The following PTPRM variants were observed in gnomAD, a reference collection of about 807,000 sequenced individuals.
PTPRM encodes the protein protein tyrosine phosphatase receptor type M.
In PTPRM, 47 loss-of-function variants were observed where a neutral mutation model predicts 186.7. The ratio of observed to expected loss-of-function variants is 0.25; its 90% CI spans 0.20 to 0.32. The LOEUF (loss-of-function observed/expected upper bound fraction) is 0.32. Ranked by LOEUF, PTPRM falls within the 10% of genes least tolerant of loss-of-function variation. PTPRM has a pLI of 1.00. For missense variants in PTPRM, 1,494 were observed against 1,865.0 expected (o/e 0.80, Z 3.66); for synonymous variants, 668 against 674.9 (o/e 0.99, Z 0.16).
chr18:8,344,985 T>C (rs1303308412), intron 23 of PTPRM, among the ~76,000 whole-genome samples: 1 of 152,136 alleles, frequency 6.6e-6, no homozygotes, highest in East Asian at 1.9e-4. Flanking sequence ...TTACACCATT[T>C]TCACTTAGGT....
intron 4 of PTPRM, among the ~76,000 whole-genome samples, chr18:7,914,905 C>A (rs1057080335): frequency 6.6e-6 from 1 of 152,022 alleles, no homozygotes; most frequent in Non-Finnish European, 1.5e-5. Flanking sequence ...GCATGCATCC[C>A]GTACATTTCA....
At chr18:7,982,052 C>G (rs1019012199) in intron 7 of PTPRM, among the ~76,000 whole-genome samples, 1 of 152,166 alleles carries the variant, frequency 6.6e-6, no homozygotes, top group Non-Finnish European at 1.5e-5. Context: ...TTTACAAACA[C>G]TGTACACTTA....
At chr18:8,222,949 G>A (rs1002233877) in intron 14 of PTPRM, among the ~76,000 whole-genome samples, 1 of 152,144 alleles carries the variant, frequency 6.6e-6, no homozygotes, top group Non-Finnish European at 1.5e-5. Context: ...ATAGGCTAGT[G>A]TGGTGGCTCA....
chr18:8,386,939 C>T (rs749529367), intron 30 of PTPRM, 133 bp from the exon 31 acceptor site: 126 of 921,054 alleles, frequency 1.4e-4, no homozygotes, highest in Non-Finnish European at 2.1e-4. Flanking sequence ...CCAGCAGAAG[C>T]CACGTTGGTA....
At chr18:8,284,571 C>T (rs573722445) in intron 19 of PTPRM, among the ~76,000 whole-genome samples, 1 of 151,858 alleles carries the variant, frequency 6.6e-6, no homozygotes, top group South Asian at 2.1e-4. Flanking sequence ...ATTACCCTCT[C>T]CCTGCCTCTA....
At chr18:7,874,435 T>C (rs2048129249) in intron 2 of PTPRM, among the ~76,000 whole-genome samples, 1 of 152,150 alleles carries the variant, frequency 6.6e-6, no homozygotes, top group Non-Finnish European at 1.5e-5. Context: ...ATAAAGAATT[T>C]TCCCTAATAT....
intron 1 of PTPRM, among the ~76,000 whole-genome samples, chr18:7,593,494 C>T (rs1447231418): frequency 1.3e-5 from 2 of 152,172 alleles, no homozygotes; most frequent in Non-Finnish European, 2.9e-5. Context: ...AAACTCCAGG[C>T]TTCTAATTAA....
At chr18:7,783,912 G>A (rs1392130848) in intron 2 of PTPRM, among the ~76,000 whole-genome samples, 1 of 151,938 alleles carries the variant, frequency 6.6e-6, no homozygotes, top group Non-Finnish European at 1.5e-5. Flanking sequence ...CAGCCCAGTG[G>A]CCTCTCTTTA....
At chr18:7,804,723 A>G (rs1464981546) in intron 2 of PTPRM, among the ~76,000 whole-genome samples, 1 of 152,240 alleles carries the variant, frequency 6.6e-6, no homozygotes, top group East Asian at 1.9e-4. Flanking sequence ...ATTAAACTTT[A>G]TATAATAATG....
rs1338383247 is a variant in PTPRM at position 8,225,075 on chromosome 18, T to C, written c.2301-18983T>C. On this transcript the variant is annotated intron_variant, in intron 14 of 32. Transcript: ENST00000580170. ...ATGATTGCCTGATACATTATTTTAT[T>C]AGGGATTTCAAAATGGTGACATCTT... Among the ~76,000 whole-genome samples the C allele has an allele frequency of 1.4e-4, 22 of 152,172 alleles. 1 individual carries two copies. Among genetic ancestry groups the C allele is most frequent in the Admixed American group, 1.4e-3 (21 of 15,270 alleles).
At chr18:7,663,666 CT>C (rs767468672) in intron 1 of PTPRM, among the ~76,000 whole-genome samples, 2 of 152,128 alleles carry the variant, frequency 1.3e-5, no homozygotes, top group Admixed American at 6.6e-5. Flanking sequence ...GGACAAGGGC[CT>C]TTTGTTTGAA....
chr18:8,367,875 A>T (rs148100668), intron 23 of PTPRM, among the ~76,000 whole-genome samples: 10 of 152,368 alleles, frequency 6.6e-5, no homozygotes, highest in African/African-American at 2.4e-4. Flanking sequence ...CTAGGTGACC[A>T]TCCAAAATAT....
intron 2 of PTPRM, among the ~76,000 whole-genome samples, chr18:7,855,501 C>T (rs747934888): frequency 6.6e-6 from 1 of 152,204 alleles, no homozygotes; most frequent in Non-Finnish European, 1.5e-5. Flanking sequence ...GGCTGTGGTA[C>T]CATCCTATTT....
chr18:8,095,660 G>T (rs975587455), intron 11 of PTPRM, among the ~76,000 whole-genome samples: 12 of 152,198 alleles, frequency 7.9e-5, no homozygotes, highest in Middle Eastern at 6.8e-3. Context: ...TGGAGGATGT[G>T]CTGGGCCCAG....
intron 1 of PTPRM, among the ~76,000 whole-genome samples, chr18:7,745,067 G>C (rs971610186): frequency 6.6e-6 from 1 of 151,854 alleles, no homozygotes; most frequent in African/African-American, 2.4e-5. Flanking sequence ...GTTAGCTGAT[G>C]ACCTTGGGTA....
chr18:7,773,422 T>A lies in PTPRM; in HGVS notation c.74-727T>A, dbSNP rs1436815268. On this transcript the variant is annotated intron_variant, in intron 1 of 32. Coordinates refer to ENST00000580170, the MANE Select transcript of PTPRM (RefSeq NM_001105244.2). ...TTTCATTTTTTGGACAAATTATAAA[T>A]GTTTCTTCTTTATTGAAAACATGTT... Among the ~76,000 whole-genome samples, 4 of 152,200 alleles carry A rather than the reference T, an allele frequency of 2.6e-5. No individual in the cohort carries two copies. The South Asian group carries it at 8.3e-4, about 31-fold the overall frequency.
At chr18:7,589,910 A>T (rs1427782510) in intron 1 of PTPRM, among the ~76,000 whole-genome samples, 2 of 152,348 alleles carry the variant, frequency 1.3e-5, no homozygotes, top group South Asian at 4.1e-4. Flanking sequence ...AGAAGCAGAT[A>T]GAGCTGTAGA....
At chr18:7,639,928 G>A (rs2038407816) in intron 1 of PTPRM, among the ~76,000 whole-genome samples, 2 of 152,126 alleles carry the variant, frequency 1.3e-5, no homozygotes, top group African/African-American at 2.4e-5. Flanking sequence ...ACTAAAGAAG[G>A]AAATAGCCTT....
intron 2 of PTPRM, among the ~76,000 whole-genome samples, chr18:7,827,329 C>T (rs953381549): frequency 9.2e-5 from 14 of 152,240 alleles, no homozygotes; most frequent in African/African-American, 2.9e-4. Context: ...GCTGTCGAAT[C>T]GATTTCATTA....
Sources: allele counts gnomAD v4.1 joint callset (sites outside exome capture counted in the v4.1 genomes callset), GRCh38; gene constraint gnomAD v4.1.1; transcripts MANE v1.5; gene names NCBI Gene and HGNC (gene_info 2026-07-23, HGNC 2026-07-21).